Variants in DPP6 observed in about 807,000 individuals in gnomAD.
The protein encoded by DPP6 is A-type potassium channel modulatory protein DPP6.
A neutral mutation model predicts 122.6 loss-of-function variants in DPP6; 69 were observed. The ratio of observed to expected loss-of-function variants is 0.56; its 90% confidence interval spans 0.46 to 0.69. The LOEUF is 0.69. Ranked by LOEUF, DPP6 falls within the 30% of genes least tolerant of loss-of-function variation. The probability of loss-of-function intolerance (pLI) is 0.00; values close to 1 mark genes in which losing one functional copy is unlikely to be tolerated. For missense variants in DPP6, 928 were observed against 1,116.9 expected (o/e 0.83, Z 2.41); for synonymous variants, 418 against 433.1 (o/e 0.97, Z 0.43).
the DPP6 span, among the ~76,000 whole-genome samples, chr7:153,818,721 A>G: frequency 0.64 from 97,197 of 150,720 alleles, 31,634 homozygotes; most frequent in Admixed American, 0.74. Context: ...GAGGGAAGAA[A>G]AAGCAAGTAG....
rs149051054 is a variant in DPP6 at position 154,190,901 on chromosome 7, A to G, written c.243+137838A>G. Among the ~76,000 whole-genome samples the G allele has an allele frequency of 4.5e-3, 692 of 152,330 alleles. 6 individuals are homozygous for G. Among genetic ancestry groups the G allele is most frequent in the African/African-American group, 0.016 (660 of 41,560 alleles). On this transcript the variant is annotated intron_variant, in intron 1 of 25. Coordinates refer to ENST00000377770, the MANE Select transcript of DPP6 (RefSeq NM_130797.4). ...TTGCCATGTGCTCTTGTAGGAACCT[A>G]GAAAATTTCCATTATCAGCTGTTTT...
chr7:154,343,297 C>A (rs754675936), intron 1 of DPP6, among the ~76,000 whole-genome samples: 1 of 152,178 alleles, frequency 6.6e-6, no homozygotes, highest in African/African-American at 2.4e-5. Flanking sequence ...AGCTAATCAG[C>A]GGTGGAGCGA....
chr7:153,948,823 G>A (rs1802070789), intron 1 of DPP6, among the ~76,000 whole-genome samples: 1 of 144,556 alleles, frequency 6.9e-6, no homozygotes, highest in African/African-American at 2.6e-5. Flanking sequence ...TGGCCCATAC[G>A]AGATATTAAA....
At chr7:154,204,856 G>A (rs1799357109) in intron 1 of DPP6, among the ~76,000 whole-genome samples, 1 of 152,020 alleles carries the variant, frequency 6.6e-6, no homozygotes, top group Non-Finnish European at 1.5e-5. Flanking sequence ...ATGGATATAT[G>A]TGTACTCCGG....
chr7:153,890,143 G>A (rs988167003), intron 1 of DPP6, among the ~76,000 whole-genome samples: 9 of 152,164 alleles, frequency 5.9e-5, no homozygotes, highest in African/African-American at 1.7e-4. Context: ...CTGAGCTGCC[G>A]CACATCTGAC....
chr7:154,658,817 G>A (rs917629241), intron 6 of DPP6, among the ~76,000 whole-genome samples: 2 of 152,228 alleles, frequency 1.3e-5, no homozygotes, highest in African/African-American at 4.8e-5. Context: ...TGGTTGTGAT[G>A]ATGGGAATGG....
intron 1 of DPP6, among the ~76,000 whole-genome samples, chr7:154,011,639 C>G: frequency 6.6e-6 from 1 of 152,188 alleles, no homozygotes; most frequent in East Asian, 1.9e-4. Flanking sequence ...TTCCATCTCA[C>G]TTAAAAGAAA....
At chr7:154,313,710 T>C (rs1480982460) in intron 1 of DPP6, among the ~76,000 whole-genome samples, 415 of 16,192 alleles carry the variant, frequency 0.026, 84 homozygotes, top group African/African-American at 0.085. Context: ...TATATATATA[T>C]ATATACACAC....
intron 1 of DPP6, among the ~76,000 whole-genome samples, chr7:154,233,295 C>G (rs1177455029): frequency 2.0e-5 from 3 of 152,176 alleles, no homozygotes; most frequent in African/African-American, 7.2e-5. Flanking sequence ...TTTGCTCATT[C>G]AATAATAATC....
intron 1 of DPP6, among the ~76,000 whole-genome samples, chr7:153,948,634 A>G (rs1368027311): frequency 6.7e-6 from 1 of 150,250 alleles, no homozygotes; most frequent in Non-Finnish European, 1.5e-5. Context: ...TATTTTTTTT[A>G]GGATCAGATG....
At chr7:154,364,034 G>T (rs1272222280) in intron 1 of DPP6, among the ~76,000 whole-genome samples, 1 of 152,276 alleles carries the variant, frequency 6.6e-6, no homozygotes, top group East Asian at 1.9e-4. Flanking sequence ...CTTTGCTTGG[G>T]ACGGGAGTGG....
chr7:154,151,319 G>A (rs1796407973), intron 1 of DPP6, among the ~76,000 whole-genome samples: 1 of 152,166 alleles, frequency 6.6e-6, no homozygotes. Context: ...TCTCTGAGCT[G>A]CGGGCTTTCT....
intron 1 of DPP6, among the ~76,000 whole-genome samples, chr7:154,377,421 C>T (rs1813222527): frequency 6.6e-6 from 1 of 152,092 alleles, no homozygotes; most frequent in South Asian, 2.1e-4. Context: ...CCCAAGCAGT[C>T]TAATTTGGAG....
chr7:154,731,947 G>A (rs1472537928), intron 8 of DPP6, among the ~76,000 whole-genome samples: 1 of 152,112 alleles, frequency 6.6e-6, no homozygotes, highest in African/African-American at 2.4e-5. Context: ...AATTCTCCAA[G>A]TTTTGATGAA....
At position 154,634,010 on chromosome 7, in the gene DPP6, T is replaced by C. The variant is rs28630686; in HGVS notation, c.628-3811T>C. On this transcript the variant is annotated intron_variant, in intron 5 of 25. Transcript: ENST00000377770. ...TTTGTTTCAGCCTTTCTTTTTTTTT[T>C]CTTTTTTTTTTTTAATTATACTTTA... is the stretch of plus-strand genomic sequence containing the variant. Among the ~76,000 whole-genome samples the C allele has an allele frequency of 4.0e-5, 6 of 148,452 alleles. No individual in the cohort carries two copies. The South Asian group carries it at 1.3e-3, about 32-fold the overall frequency.
chr7:154,008,134 C>A (rs1009556138), intron 1 of DPP6, among the ~76,000 whole-genome samples: 2 of 152,060 alleles, frequency 1.3e-5, no homozygotes, highest in Non-Finnish European at 2.9e-5. Flanking sequence ...TGTATTGTTG[C>A]AACAATCCAG....
At chr7:154,439,663 C>T (rs1449819571) in intron 1 of DPP6, among the ~76,000 whole-genome samples, 1 of 151,058 alleles carries the variant, frequency 6.6e-6, no homozygotes, top group African/African-American at 2.5e-5. Context: ...TAACAGATAG[C>T]TATTGCATCA....
intron 1 of DPP6, among the ~76,000 whole-genome samples, chr7:153,912,983 A>G (rs1014470144): frequency 6.6e-6 from 1 of 152,180 alleles, no homozygotes; most frequent in African/African-American, 2.4e-5. Context: ...AAACCCTATT[A>G]TGTTAGCTGG....
chr7:154,386,230 A>C (rs1039656220), intron 1 of DPP6, among the ~76,000 whole-genome samples: 3 of 152,054 alleles, frequency 2.0e-5, no homozygotes, highest in African/African-American at 7.3e-5. Flanking sequence ...AACTGTTTCC[A>C]TCCTCTCGCA....
Sources: allele counts gnomAD v4.1 joint callset (sites outside exome capture counted in the v4.1 genomes callset), GRCh38; gene constraint gnomAD v4.1.1; transcripts MANE v1.5; gene names NCBI Gene and HGNC (gene_info 2026-07-23, HGNC 2026-07-21).